TMEM45A: variants seen among roughly 807,000 people sequenced by gnomAD.
TMEM45A encodes the protein DNA polymerase-transactivated protein 4.
A neutral mutation model predicts 32.0 loss-of-function variants in TMEM45A; 25 were observed. The ratio of observed to expected loss-of-function variants is 0.78; its 90% CI spans 0.57 to 1.09. The LOEUF is 1.09. Among genes scored for constraint, TMEM45A ranks in the 50% least tolerant of loss-of-function variants. The pLI is 0.00. For synonymous variants in TMEM45A, 122 were observed against 114.8 expected (o/e 1.06, Z -0.40); for missense variants, 302 against 325.0 (o/e 0.93, Z 0.54).
At chr3:100,493,789 T>C (rs1308064248) in intron 1 of TMEM45A, among the ~76,000 whole-genome samples, 1 of 152,174 alleles carries the variant, frequency 6.6e-6, no homozygotes, top group Non-Finnish European at 1.5e-5. Flanking sequence ...TGGAGTGCAA[T>C]GGCACGATCT....
chr3:100,533,195 C>T (rs1576274750), intron 1 of TMEM45A, among the ~76,000 whole-genome samples: 1 of 151,868 alleles, frequency 6.6e-6, no homozygotes, highest in African/African-American at 2.4e-5. Context: ...GATAGGGGAC[C>T]CATGGTTTCA....
At chr3:100,562,266 A>G (rs1706353208) in intron 4 of TMEM45A, among the ~76,000 whole-genome samples, 1 of 152,016 alleles carries the variant, frequency 6.6e-6, no homozygotes, top group South Asian at 2.1e-4. Flanking sequence ...TAAGACGACA[A>G]ATAAAAGTGT....
chr3:100,519,159 T>A (rs764899303), intron 1 of TMEM45A: 1 of 173,680 alleles, frequency 5.8e-6, no homozygotes, highest in East Asian at 1.5e-4. Flanking sequence ...AGCATGTGAG[T>A]GGGAGGAAGA....
At chr3:100,512,040 C>G (rs1165433797) in intron 1 of TMEM45A, among the ~76,000 whole-genome samples, 2 of 151,802 alleles carry the variant, frequency 1.3e-5, no homozygotes, top group Non-Finnish European at 1.5e-5. Flanking sequence ...CTTTAACACC[C>G]CACTGTCAAC....
chr3:100,511,210 G>C (rs1259550795), intron 1 of TMEM45A, among the ~76,000 whole-genome samples: 1 of 152,088 alleles, frequency 6.6e-6, no homozygotes, highest in African/African-American at 2.4e-5. Flanking sequence ...AAAATGTTAA[G>C]GGCAGCCAGA....
At chr3:100,497,931 T>G (rs772826532) in intron 1 of TMEM45A, among the ~76,000 whole-genome samples, 4 of 152,232 alleles carry the variant, frequency 2.6e-5, no homozygotes, top group Non-Finnish European at 5.9e-5. Flanking sequence ...TATTTTTTAG[T>G]TGATGATATG....
intron 1 of TMEM45A, among the ~76,000 whole-genome samples, chr3:100,525,031 T>C (rs1407210214): frequency 2.6e-5 from 4 of 151,724 alleles, no homozygotes; most frequent in Admixed American, 1.3e-4. Context: ...TTTAAAAAAA[T>C]AAAAAAATTA....
chr3:100,513,589 C>T (rs1293340540), intron 1 of TMEM45A, among the ~76,000 whole-genome samples: 1 of 150,510 alleles, frequency 6.6e-6, no homozygotes, highest in Non-Finnish European at 1.5e-5. Flanking sequence ...CCTCTCTCAC[C>T]ACTCCTATTC....
chr3:100,524,660 C>T (rs750571022), intron 1 of TMEM45A, among the ~76,000 whole-genome samples: 5 of 152,180 alleles, frequency 3.3e-5, no homozygotes, highest in Non-Finnish European at 7.3e-5. Context: ...CTTGTCCCCA[C>T]ACCATTTCCA....
chr3:100,550,408 T>C, intron 1 of TMEM45A, among the ~76,000 whole-genome samples: 1 of 152,154 alleles, frequency 6.6e-6, no homozygotes. Flanking sequence ...AATTTGAGTA[T>C]TAAGACAAAC....
Position 100,550,172 on chromosome 3 carries a change from G to A in TMEM45A, c.-3-5037G>A, listed in dbSNP as rs1269969034. ...TAACTAACCTGCACAATGTGCACAT[G>A]TACCCTAAAACTTAAAGCATAATAA... On this transcript the variant is annotated intron_variant, in intron 1 of 5. Transcript: ENST00000323523. Among the ~76,000 whole-genome samples the A allele has an allele frequency of 4.1e-5, 6 of 144,932 alleles. No individual in the cohort carries two copies. The Admixed American group carries it at 4.3e-4, about 10-fold the overall frequency.
chr3:100,566,609 A>T (rs1706445532), intron 4 of TMEM45A, among the ~76,000 whole-genome samples: 1 of 152,004 alleles, frequency 6.6e-6, no homozygotes, highest in African/African-American at 2.4e-5. Context: ...TCCATTTTAC[A>T]TTCCCATCAG....
In TMEM45A at chr3:100,512,061, T is replaced by A. The variant is rs1708173212; in HGVS notation, c.-4+19133T>A. ...CACCCCACTGTCAACATTAGACAGA[T>A]CAATGAGACAGAAAGTCAACAAGGA... On this transcript the variant is annotated intron_variant, in intron 1 of 5. Coordinates refer to ENST00000323523, the MANE Select transcript of TMEM45A (RefSeq NM_018004.3). 2.0e-5 allele frequency among the ~76,000 whole-genome samples: 3 copies of A among 152,122 alleles called. No individual in the cohort carries two copies. The South Asian group carries it at 6.2e-4, about 32-fold the overall frequency.
At chr3:100,519,814 G>A (rs1217007358) in intron 1 of TMEM45A, among the ~76,000 whole-genome samples, 1 of 152,310 alleles carries the variant, frequency 6.6e-6, no homozygotes, top group Non-Finnish European at 1.5e-5. Flanking sequence ...TTCATTTTAT[G>A]TTGGGATCTA....
chr3:100,557,978 C>A (rs1706257670), intron 3 of TMEM45A, among the ~76,000 whole-genome samples: 1 of 152,202 alleles, frequency 6.6e-6, no homozygotes, highest in African/African-American at 2.4e-5. Context: ...GTGTGCTCAT[C>A]TGAATTATTG....
chr3:100,549,387 T>A (rs901196303), intron 1 of TMEM45A, among the ~76,000 whole-genome samples: 1 of 152,222 alleles, frequency 6.6e-6, no homozygotes, highest in Non-Finnish European at 1.5e-5. Context: ...AACCATTCCC[T>A]TTGTCTTCTG....
At chr3:100,560,233 A>T (rs1706305780) in intron 4 of TMEM45A, among the ~76,000 whole-genome samples, 1 of 146,918 alleles carries the variant, frequency 6.8e-6, no homozygotes, top group African/African-American at 2.5e-5. Flanking sequence ...CTTTGTTGTA[A>T]GGCTGTTTTC....
intron 1 of TMEM45A, among the ~76,000 whole-genome samples, chr3:100,522,975 G>A (rs1306767360): frequency 6.6e-6 from 1 of 152,184 alleles, no homozygotes; most frequent in Non-Finnish European, 1.5e-5. Context: ...CTAGAAGGAA[G>A]GGTAGAAGGA....
intron 2 of TMEM45A, 63 bp from the exon 3 acceptor site, chr3:100,556,697 C>T (rs1706226661): frequency 7.0e-7 from 1 of 1,437,694 alleles, no homozygotes; most frequent in Non-Finnish European, 9.6e-7. Flanking sequence ...GACTAGTCCT[C>T]CTGCATCTTC....
Sources: gnomAD v4.1 joint callset for allele counts (sites outside exome capture counted in the v4.1 genomes callset) on GRCh38, gnomAD v4.1.1 for gene constraint, MANE v1.5 for transcripts, NCBI Gene and HGNC (gene_info 2026-07-23, HGNC 2026-07-21) for gene names.